Variants in SYAP1 observed in about 807,000 individuals in gnomAD.
SYAP1 encodes synapse-associated protein 1.
SYAP1 carries 3 observed loss-of-function variants against 29.6 expected under a neutral mutation model. The observed-to-expected ratio is 0.10, with a 90% CI of 0.05 to 0.26. The LOEUF (loss-of-function observed/expected upper bound fraction) is 0.26. Ranked by LOEUF, SYAP1 falls within the 10% of genes least tolerant of loss-of-function variation. SYAP1 has a pLI of 1.00. For missense variants in SYAP1, 217 were observed against 264.1 expected, an observed-to-expected ratio of 0.82 and a Z score of 1.24; for synonymous variants, 102 against 102.7, an observed-to-expected ratio of 0.99 and a Z score of 0.04.
In SYAP1 at chrX:16,740,411, C is replaced by T. The variant is rs570044579; in HGVS notation, c.362-1305C>T. Among the ~76,000 whole-genome samples, 9 of 106,958 alleles carry T rather than the reference C, an allele frequency of 8.4e-5. No homozygotes were observed. In the South Asian group the frequency reaches 3.7e-3, roughly 44 times the overall value. The allele number at this position is 106,958 out of a possible 115,157, so 92.9% of individuals were successfully genotyped here. On this transcript the variant is annotated intron_variant, in intron 3 of 8. Transcript: ENST00000380155. Reference sequence around the variant, plus strand: ...CTAATCACCTGTCTTACAACATCACCTTTTATCATGAATCAAGTACAGTAA... The same window carrying T: ...CTAATCACCTGTCTTACAACATCACTTTTTATCATGAATCAAGTACAGTAA...
At chrX:16,751,434 A>G (rs1926726121) in intron 5 of SYAP1, among the ~76,000 whole-genome samples, 1 of 98,413 alleles carries the variant, frequency 1.0e-5, no homozygotes, top group Non-Finnish European at 2.1e-5. Context: ...CCTGGGTGAC[A>G]GAGCGAGACT....
intron 1 of SYAP1, among the ~76,000 whole-genome samples, chrX:16,721,123 A>G (rs1925949868): frequency 9.5e-6 from 1 of 105,525 alleles, no homozygotes; most frequent in Non-Finnish European, 2.0e-5. Flanking sequence ...TAAGTTCAGC[A>G]ACATTTGAAG....
intron 4 of SYAP1, among the ~76,000 whole-genome samples, chrX:16,742,378 C>T (rs1262748454): frequency 9.1e-6 from 1 of 109,425 alleles, no homozygotes; most frequent in African/African-American, 3.3e-5. Context: ...TCTCGAACTC[C>T]TGATCTCGTG....
intron 3 of SYAP1, 48 bp downstream of exon 3, chrX:16,736,280 CCTGTT>C: frequency 1.4e-5 from 12 of 878,416 alleles, no homozygotes; most frequent in Non-Finnish European, 1.8e-5. Flanking sequence ...TTATTGAGCA[CCTGTT>C]ATGTGCTAGA....
chrX:16,756,697 C>A lies in SYAP1; in HGVS notation c.759C>A (p.Ile253=). The change falls in exon 7 of 9, where the codon ATC becomes ATA. Residue 253 remains isoleucine (I), a synonymous_variant. Transcript: ENST00000380155. ...AVRPKTPPVV[I]KSQLKTQEDE... ...GGCCCAAAACGCCACCCGTTGTAAT[C>A]AAATCTCAGCTTAAAACTCAAGAGG... The A allele has an allele frequency of 1.7e-6, 2 of 1,211,142 alleles. No homozygotes were observed. Among genetic ancestry groups the A allele is most frequent in the Non-Finnish European group, 2.2e-6 (2 of 894,919 alleles).
At chrX:16,751,201 C>T (rs1317327406) in intron 5 of SYAP1, among the ~76,000 whole-genome samples, 1 of 109,278 alleles carries the variant, frequency 9.2e-6, no homozygotes, top group Non-Finnish European at 1.9e-5. Context: ...GCCTGTAATC[C>T]CAGCACTTTG....
intron 1 of SYAP1, among the ~76,000 whole-genome samples, chrX:16,732,367 C>T (rs941720177): frequency 5.6e-5 from 6 of 107,369 alleles, no homozygotes; most frequent in African/African-American, 2.0e-4. Context: ...CCAGCCTTTG[C>T]ATAAGGTCAC....
At chrX:16,739,923 G>C (rs1438125322) in intron 3 of SYAP1, among the ~76,000 whole-genome samples, 1 of 111,383 alleles carries the variant, frequency 9.0e-6, no homozygotes, top group Non-Finnish European at 1.9e-5. Flanking sequence ...GTGGGTTGCT[G>C]AATGAGGCTA....
At chrX:16,724,057 G>C (rs1370371739) in intron 1 of SYAP1, among the ~76,000 whole-genome samples, 1 of 112,440 alleles carries the variant, frequency 8.9e-6, no homozygotes, top group Non-Finnish European at 1.9e-5. Context: ...CCCCAGGTTT[G>C]ATGATTGGCT....
Position 16,762,632 on chromosome X carries a change from C to T in SYAP1, c.*2273C>T, listed in dbSNP as rs1167586446. ...CCTAGGGGTTAGCCAACAAGATATA[C>T]CAAGCATGAAAACCTGTAAAACTTA... is the stretch of plus-strand genomic sequence containing the variant. On this transcript the variant is annotated 3_prime_UTR_variant, in exon 9 of 9. Transcript: ENST00000380155. The T allele has an allele frequency of 9.0e-6, 1 of 111,614 alleles. No homozygotes were observed. The highest frequency in any genetic ancestry group is 3.3e-5 in the African/African-American group (1 of 30,680). The allele number at this position is 111,614 out of a possible 1,213,427, so 9.2% of individuals were successfully genotyped here. A position where few individuals can be genotyped will look rare whatever the true frequency, so the allele number is the denominator to read the frequency against.
chrX:16,736,673 T>G (rs1011140944), intron 3 of SYAP1, among the ~76,000 whole-genome samples: 2 of 111,588 alleles, frequency 1.8e-5, no homozygotes, highest in African/African-American at 3.3e-5. Flanking sequence ...CCAGCTATTT[T>G]TGTGTGTGTG....
chrX:16,760,806 C>T lies in SYAP1; in HGVS notation c.*447C>T, dbSNP rs964444594. On this transcript the variant is annotated 3_prime_UTR_variant, in exon 9 of 9. Transcript: ENST00000380155. ...AAAATGACCAAATTATACCAAAGAA[C>T]TTAAGAGGAAGCACTTTCAGAACTA... The T allele has an allele frequency of 8.9e-6, 1 of 112,207 alleles. No homozygotes were observed. Among genetic ancestry groups the T allele is most frequent in the African/African-American group, 3.2e-5 (1 of 30,806 alleles). 9.2% of individuals were successfully genotyped at this position (112,207 alleles called of 1,213,427 possible).
chrX:16,725,782 G>A (rs772590355), intron 1 of SYAP1, among the ~76,000 whole-genome samples: 1 of 112,083 alleles, frequency 8.9e-6, no homozygotes, highest in Non-Finnish European at 1.9e-5. Context: ...CAGATATTCA[G>A]TGTGTTCAGT....
At chrX:16,758,706 C>G (rs1926910598) in intron 8 of SYAP1, among the ~76,000 whole-genome samples, 1 of 110,459 alleles carries the variant, frequency 9.1e-6, no homozygotes, top group Admixed American at 9.8e-5. Context: ...GGCAGTTACA[C>G]ATTGTCTTTC....
rs778100391 is a variant in SYAP1 at position 16,719,677 on chromosome X, C to A, written c.-48C>A. On this transcript the variant is annotated 5_prime_UTR_variant, in exon 1 of 9. Coordinates refer to ENST00000380155, the MANE Select transcript of SYAP1 (RefSeq NM_032796.4). ...AGTGGAGTCAAAGGCAACCAGTGCT[C>A]GCTGCGGTCTCTGGGGATCGGGACC... The A allele has an allele frequency of 1.6e-5, 19 of 1,178,954 alleles. No homozygotes were observed. The highest frequency in any genetic ancestry group is 7.3e-5 in the Admixed American group (3 of 41,285).
chrX:16,754,415 CTGT>C (rs1323335238), intron 5 of SYAP1, among the ~76,000 whole-genome samples: 2 of 111,605 alleles, frequency 1.8e-5, no homozygotes, highest in Non-Finnish European at 3.8e-5. Context: ...TAGGTTTATC[CTGT>C]TGTTAGCTTT....
intron 1 of SYAP1, among the ~76,000 whole-genome samples, chrX:16,730,027 CTTTTTACCAAAAGCATA>C (rs761437161): frequency 3.3e-4 from 37 of 111,617 alleles, no homozygotes; most frequent in Admixed American, 2.6e-3. Context: ...TGTAAATATG[CTTTTTACCAAAAGCATA>C]TTTTACTTTT....
chrX:16,736,271 T>C, intron 3 of SYAP1, 39 bp downstream of exon 3: 1 of 948,545 alleles, frequency 1.1e-6, no homozygotes, highest in Non-Finnish European at 1.5e-6. Flanking sequence ...TGCCAGGTTT[T>C]ATTGAGCACC....
chrX:16,755,875 C>T (rs1248093021), intron 6 of SYAP1, among the ~76,000 whole-genome samples: 1 of 112,044 alleles, frequency 8.9e-6, no homozygotes, highest in East Asian at 2.8e-4. Flanking sequence ...ATTTATCCCA[C>T]AAGAAGCGGG....
Sources: allele counts gnomAD v4.1 joint callset (sites outside exome capture counted in the v4.1 genomes callset), GRCh38; gene constraint gnomAD v4.1.1; transcripts MANE v1.5; gene names NCBI Gene and HGNC (gene_info 2026-07-23, HGNC 2026-07-21).